The following IQCM variants were observed in gnomAD, a reference collection of about 807,000 sequenced individuals.
IQCM encodes the protein IQ domain-containing protein M.
In IQCM, 45 loss-of-function variants were observed where a neutral mutation model predicts 57.6. The ratio of observed to expected loss-of-function variants is 0.78; its 90% CI spans 0.62 to 1.00. The LOEUF is 1.00. IQCM is among the 50% of genes least tolerant of loss of function. The pLI is 0.00. For missense variants in IQCM, 468 were observed against 511.6 expected (o/e 0.91, Z 0.82); for synonymous variants, 148 against 158.9 (o/e 0.93, Z 0.51).
chr4:149,508,767 A>T (rs1013868602), intron 12 of IQCM, among the ~76,000 whole-genome samples: 1 of 152,120 alleles, frequency 6.6e-6, no homozygotes, highest in Non-Finnish European at 1.5e-5. Context: ...TTGAAATGTG[A>T]GGACATGAGA....
chr4:149,677,325 A>G (rs1408971426), intron 7 of IQCM, among the ~76,000 whole-genome samples: 2 of 152,092 alleles, frequency 1.3e-5, no homozygotes, highest in Non-Finnish European at 2.9e-5. Flanking sequence ...GCTTTTAAGC[A>G]GCATCACACT....
chr4:149,757,030 G>A (rs547927042), intron 2 of IQCM, among the ~76,000 whole-genome samples: 29 of 152,260 alleles, frequency 1.9e-4, no homozygotes, highest in Admixed American at 5.9e-4. Context: ...AGGCCAAGGC[G>A]GGTGGATCAC....
chr4:149,477,138 A>C (rs1740288056), intron 12 of IQCM, among the ~76,000 whole-genome samples: 1 of 152,210 alleles, frequency 6.6e-6, no homozygotes, highest in Non-Finnish European at 1.5e-5. Flanking sequence ...AAAAGACATC[A>C]GTTTTTGTGA....
intron 2 of IQCM, among the ~76,000 whole-genome samples, chr4:149,743,929 T>C (rs1767689994): frequency 6.6e-6 from 1 of 152,232 alleles, no homozygotes; most frequent in African/African-American, 2.4e-5. Flanking sequence ...CAGAGTTCCA[T>C]GGAGACCCTT....
chr4:149,791,978 TC>T (rs1334166545), intron 2 of IQCM, among the ~76,000 whole-genome samples: 1 of 152,130 alleles, frequency 6.6e-6, no homozygotes, highest in Non-Finnish European at 1.5e-5. Context: ...ACAATTGACA[TC>T]AAGAGTAGGC....
intron 12 of IQCM, among the ~76,000 whole-genome samples, chr4:149,461,557 G>C (rs935588558): frequency 4.0e-5 from 6 of 151,708 alleles, no homozygotes; most frequent in South Asian, 4.1e-4. Flanking sequence ...GGGTGGCTAA[G>C]CTGGGAGGAC....
chr4:149,661,327 A>T (rs1198157240), intron 7 of IQCM, among the ~76,000 whole-genome samples: 2 of 152,132 alleles, frequency 1.3e-5, no homozygotes, highest in Admixed American at 1.3e-4. Context: ...CTACTGAATG[A>T]TCTTTTTAAT....
At chr4:149,654,947 C>T (rs574914337) in intron 7 of IQCM, among the ~76,000 whole-genome samples, 5 of 147,072 alleles carry the variant, frequency 3.4e-5, no homozygotes, top group South Asian at 2.3e-4. Context: ...TTAAATAAAA[C>T]GTATGTTTAA....
At chr4:149,542,722 A>T (rs187913188) in intron 12 of IQCM, among the ~76,000 whole-genome samples, 4 of 152,246 alleles carry the variant, frequency 2.6e-5, no homozygotes, top group Admixed American at 6.5e-5. Context: ...CAAAATGAAG[A>T]TAATTATAGA....
At chr4:149,425,860 C>T (rs1031691864) in intron 13 of IQCM, among the ~76,000 whole-genome samples, 7 of 152,016 alleles carry the variant, frequency 4.6e-5, no homozygotes, top group East Asian at 1.9e-4. Flanking sequence ...AATAGATTTC[C>T]GTTTCAAACT....
intron 12 of IQCM, among the ~76,000 whole-genome samples, chr4:149,464,050 A>G (rs116543836): frequency 2.7e-3 from 406 of 152,306 alleles, no homozygotes; most frequent in Non-Finnish European, 4.7e-3. Context: ...ATTTCTTTCC[A>G]GGTTAGGTAC....
intron 5 of IQCM, among the ~76,000 whole-genome samples, chr4:149,688,450 T>C (rs909443128): frequency 6.6e-6 from 1 of 151,874 alleles, no homozygotes; most frequent in Non-Finnish European, 1.5e-5. Context: ...AAAGAAATCA[T>C]ACATGACACA....
intron 6 of IQCM, among the ~76,000 whole-genome samples, chr4:149,683,712 T>A (rs540447142): frequency 1.3e-5 from 2 of 151,452 alleles, no homozygotes; most frequent in South Asian, 2.1e-4. Context: ...TGTTATTTAA[T>A]CTCCAAGTTA....
At chr4:149,456,360 T>C (rs1354262770) in intron 12 of IQCM, among the ~76,000 whole-genome samples, 1 of 152,086 alleles carries the variant, frequency 6.6e-6, no homozygotes, top group Non-Finnish European at 1.5e-5. Context: ...TAGAAGTGTT[T>C]TGGATTTCTA....
chr4:149,547,966 A>G (rs1419961862), intron 12 of IQCM, among the ~76,000 whole-genome samples: 2 of 152,160 alleles, frequency 1.3e-5, no homozygotes, highest in African/African-American at 4.8e-5. Flanking sequence ...ATTCTCATAA[A>G]CAATATTTTT....
chr4:149,491,882 A>G (rs956263894), intron 12 of IQCM, among the ~76,000 whole-genome samples: 1 of 151,886 alleles, frequency 6.6e-6, no homozygotes, highest in Admixed American at 6.6e-5. Flanking sequence ...ATTTTTTTCA[A>G]GGGTTCCCTT....
intron 7 of IQCM, among the ~76,000 whole-genome samples, chr4:149,629,973 G>A (rs1017526392): frequency 9.9e-5 from 15 of 151,054 alleles, no homozygotes; most frequent in African/African-American, 2.9e-4. Flanking sequence ...TTTTGGGAGC[G>A]GGTGTGGGGT....
intron 12 of IQCM, among the ~76,000 whole-genome samples, chr4:149,481,696 G>GTTTTTTTTTTTTTTTTT (rs1197852884): frequency 2.9e-3 from 97 of 33,578 alleles, no homozygotes; most frequent in East Asian, 0.01. Context: ...GATTCTTCCA[G>GTTTTTTTTTTTTTTTTT]TTTTGTTTTT....
intron 8 of IQCM, among the ~76,000 whole-genome samples, chr4:149,616,584 AAT>A (rs1189888681): frequency 6.6e-6 from 1 of 152,126 alleles, no homozygotes; most frequent in Non-Finnish European, 1.5e-5. Flanking sequence ...AAAATGGTAA[AAT>A]ATATGTTATG....
Sources: allele counts gnomAD v4.1 joint callset (sites outside exome capture counted in the v4.1 genomes callset), GRCh38; gene constraint gnomAD v4.1.1; transcripts MANE v1.5; gene names NCBI Gene and HGNC (gene_info 2026-07-23, HGNC 2026-07-21).